The following LRIG2 variants were observed in gnomAD, a reference collection of about 807,000 sequenced individuals.
LRIG2 encodes the protein leucine-rich repeats and immunoglobulin-like domains protein 2.
LRIG2 carries 93 observed loss-of-function variants against 107.8 expected under a neutral mutation model. The observed-to-expected ratio is 0.86, with a 90% CI of 0.73 to 1.03. LRIG2 has a LOEUF of 1.03. LRIG2 is among the 50% of genes least tolerant of loss of function. LRIG2 has a pLI of 0.00. For missense variants in LRIG2, 1,226 were observed against 1,296.0 expected, an observed-to-expected ratio of 0.95 and a Z score of 0.83; for synonymous variants, 471 against 470.6, an observed-to-expected ratio of 1.00 and a Z score of -0.01.
intron 8 of LRIG2, among the ~76,000 whole-genome samples, chr1:113,098,170 C>T (rs997296380): frequency 2.6e-5 from 4 of 152,166 alleles, no homozygotes; most frequent in East Asian, 1.9e-4. Context: ...TCTGATGACA[C>T]GCTAACACAT....
Position 113,128,617 on chromosome 1 carries a change from C to T in LRIG2, c.*4516C>T, listed in dbSNP as rs1393989234. The T allele has an allele frequency of 1.3e-5, 2 of 152,128 alleles. No individual in the cohort carries two copies. Among genetic ancestry groups the T allele is most frequent in the African/African-American group, 4.8e-5 (2 of 41,430 alleles). 9.4% of individuals were successfully genotyped at this position (152,128 alleles called of 1,614,324 possible). ...ACAAGAGTGATGCTGCTCATTCTGA[C>T]TTGAGCCAGATGTATTTCCTTTATA... is the stretch of plus-strand genomic sequence containing the variant. On this transcript the variant is annotated 3_prime_UTR_variant, in exon 18 of 18. Transcript: ENST00000361127.
At chr1:113,103,380 T>C (rs1289038041) in intron 11 of LRIG2, 2 of 152,158 alleles carry the variant, frequency 1.3e-5, no homozygotes, top group Non-Finnish European at 2.9e-5. Flanking sequence ...TGTTATTTTT[T>C]AGTAATTTCA....
At position 113,073,231 on chromosome 1, in the gene LRIG2, G is replaced by A. The variant is rs1265834879; in HGVS notation, c.-176G>A. On this transcript the variant is annotated 5_prime_UTR_variant, in exon 1 of 18. Coordinates refer to ENST00000361127, the MANE Select transcript of LRIG2 (RefSeq NM_014813.3). The stretch of plus-strand genomic sequence containing the variant: ...GGTGTCCGTCAGGCCGTGTGTCCCA[G>A]GCCGTCGACCCCGCTGTCGCGCTGC... 1.6e-6 allele frequency: 1 copy of A among 621,870 alleles called. No homozygotes were observed. Among genetic ancestry groups the A allele is most frequent in the South Asian group, 1.9e-5 (1 of 52,586 alleles). The allele number at this position is 621,870 out of a possible 1,614,324, so 38.5% of individuals were successfully genotyped here. A position where few individuals can be genotyped will look rare whatever the true frequency, so the allele number is the denominator to read the frequency against.
At chr1:113,116,755 C>T (rs1457208639) in intron 16 of LRIG2, among the ~76,000 whole-genome samples, 2 of 152,118 alleles carry the variant, frequency 1.3e-5, no homozygotes, top group East Asian at 3.9e-4. Context: ...GCGTGGGCAT[C>T]CTTCAGACCA....
intron 17 of LRIG2, among the ~76,000 whole-genome samples, 183 bp downstream of exon 17, chr1:113,119,706 G>A (rs561597135): frequency 8.5e-5 from 13 of 152,256 alleles, no homozygotes; most frequent in African/African-American, 3.1e-4. Context: ...TTACAAAGAA[G>A]TCTTCATCTA....
intron 2 of LRIG2, among the ~76,000 whole-genome samples, chr1:113,092,888 C>CT (rs1431417063): frequency 2.0e-5 from 3 of 151,468 alleles, no homozygotes; most frequent in African/African-American, 7.3e-5. Context: ...ACTCAGGAGA[C>CT]TGAGGTAGGA....
At chr1:113,089,399 T>C (rs1632505) in intron 1 of LRIG2, among the ~76,000 whole-genome samples, 148,415 of 152,316 alleles carry the variant, frequency 0.97, 72,418 homozygotes, top group East Asian at 1. Flanking sequence ...TAATAAAGTA[T>C]TTGCTAGAAG....
At chr1:113,123,058 C>G (rs1655329636) in intron 17 of LRIG2, among the ~76,000 whole-genome samples, 1 of 152,140 alleles carries the variant, frequency 6.6e-6, no homozygotes, top group Non-Finnish European at 1.5e-5. Flanking sequence ...TGCAGATAAT[C>G]TGATTTAATA....
chr1:113,092,130 T>G (rs1344995432), intron 2 of LRIG2, among the ~76,000 whole-genome samples: 1 of 152,232 alleles, frequency 6.6e-6, no homozygotes, highest in Non-Finnish European at 1.5e-5. Context: ...ACAAGTTTGT[T>G]AGCTGAAAGA....
intron 12 of LRIG2, among the ~76,000 whole-genome samples, chr1:113,108,260 G>A (rs2101052255): frequency 6.8e-6 from 1 of 147,170 alleles, no homozygotes. Flanking sequence ...GTCTTGCTGC[G>A]TCACCCAGGC....
chr1:113,113,064 GT>G (rs1377178014), intron 14 of LRIG2, among the ~76,000 whole-genome samples: 2 of 152,008 alleles, frequency 1.3e-5, no homozygotes, highest in African/African-American at 2.4e-5. Flanking sequence ...ATGTAGGTGT[GT>G]TTACTATTCA....
chr1:113,119,361 C>A lies in LRIG2; in HGVS notation c.2809C>A (p.Leu937Ile). 6.2e-7 allele frequency: 1 copy of A among 1,613,986 alleles called. No individual in the cohort carries two copies. The highest frequency in any genetic ancestry group is 8.5e-7 in the Non-Finnish European group (1 of 1,179,996). Residue 937 changes from leucine (L) to isoleucine (I), a missense_variant, in exon 17 of 18, where the codon CTC becomes ATC. Coordinates refer to ENST00000361127, the MANE Select transcript of LRIG2 (RefSeq NM_014813.3). ...CGTTCTTGATCAGACACTGTCCAGC[C>A]TCATGGTCCAAATGCCTAAAGAGAC... ...EDVLDQTLSS[L>I]MVQMPKETYL... is the part of the protein sequence containing the mutation.
At chr1:113,102,521 C>T (rs1013900893) in intron 11 of LRIG2, among the ~76,000 whole-genome samples, 7 of 152,072 alleles carry the variant, frequency 4.6e-5, no homozygotes, top group African/African-American at 1.4e-4. Flanking sequence ...CCGCCCGCCT[C>T]GGCCTCCCAA....
At chr1:113,111,703 T>C (rs975994633) in intron 13 of LRIG2, among the ~76,000 whole-genome samples, 4 of 152,246 alleles carry the variant, frequency 2.6e-5, no homozygotes, top group Non-Finnish European at 5.9e-5. Context: ...TTAGGGTTTG[T>C]ACAACCAAAA....
intron 12 of LRIG2, among the ~76,000 whole-genome samples, chr1:113,108,047 AAGAT>A (rs1654611778): frequency 6.6e-6 from 1 of 152,136 alleles, no homozygotes. Context: ...ACTTTCCAAA[AAGAT>A]AGCACTAGTT....
chr1:113,128,204 T>A lies in LRIG2; in HGVS notation c.*4103T>A, dbSNP rs552679745. 6.6e-6 allele frequency: 1 copy of A among 152,224 alleles called. No homozygotes were observed. Among genetic ancestry groups the A allele is most frequent in the Non-Finnish European group, 1.5e-5 (1 of 68,044 alleles). The allele number at this position is 152,224 out of a possible 1,614,324, so 9.4% of individuals were successfully genotyped here. On this transcript the variant is annotated 3_prime_UTR_variant, in exon 18 of 18. Transcript: ENST00000361127. ...GGGCAGCAGCACTTCTTGAGCTGTT[T>A]AGTACTGCCACACCTTTTTATGTCT...
chr1:113,093,387 G>A (rs773649461), intron 3 of LRIG2, 43 bp from the exon 4 acceptor site: 2 of 1,608,304 alleles, frequency 1.2e-6, no homozygotes, highest in South Asian at 2.2e-5. Flanking sequence ...GTGGCCTGGG[G>A]TGGATCAGTG....
intron 12 of LRIG2, among the ~76,000 whole-genome samples, chr1:113,109,049 C>T (rs1442551409): frequency 1.3e-5 from 2 of 152,134 alleles, no homozygotes; most frequent in South Asian, 2.1e-4. Flanking sequence ...TGGAACAGAA[C>T]ACACACTTGG....
intron 12 of LRIG2, among the ~76,000 whole-genome samples, chr1:113,109,288 C>T (rs182879284): frequency 6.4e-4 from 98 of 152,328 alleles, no homozygotes; most frequent in African/African-American, 2.3e-3. Flanking sequence ...ACCTGCTTCT[C>T]TCAATCAGTC....
Sources: allele counts gnomAD v4.1 joint callset (sites outside exome capture counted in the v4.1 genomes callset), GRCh38; gene constraint gnomAD v4.1.1; transcripts MANE v1.5; gene names NCBI Gene and HGNC (gene_info 2026-07-23, HGNC 2026-07-21).